The following TYW1 variants were observed in gnomAD, a reference collection of about 807,000 sequenced individuals.
The protein encoded by TYW1 is S-adenosyl-L-methionine-dependent tRNA 4-demethylwyosine synthase TYW1.
TYW1 carries 46 observed loss-of-function variants against 96.2 expected under a neutral mutation model. The ratio of observed to expected loss-of-function variants is 0.48; its 90% CI spans 0.38 to 0.61. The LOEUF (loss-of-function observed/expected upper bound fraction) is 0.61, where lower values mean the gene tolerates loss of function less well. TYW1 is among the 20% of genes least tolerant of loss of function. The pLI is 0.00. For missense variants in TYW1, 684 were observed against 909.6 expected (o/e 0.75, Z 3.19); for synonymous variants, 274 against 323.0 (o/e 0.85, Z 1.63).
chr7:67,236,297 G>A (rs1038313686), intron 15 of TYW1, among the ~76,000 whole-genome samples: 40 of 152,278 alleles, frequency 2.6e-4, no homozygotes, highest in Non-Finnish European at 4.9e-4. Flanking sequence ...TTCTGCTGTC[G>A]GCACAGTCTC....
intron 13 of TYW1, among the ~76,000 whole-genome samples, chr7:67,141,407 A>G (rs1366208572): frequency 1.3e-5 from 2 of 152,260 alleles, no homozygotes; most frequent in African/African-American, 4.8e-5. Flanking sequence ...GTCTTAGACT[A>G]GTAATTGCTC....
chr7:67,045,211 A>T (rs113614814), intron 7 of TYW1, among the ~76,000 whole-genome samples: 3,098 of 150,500 alleles, frequency 0.021, 89 homozygotes, highest in African/African-American at 0.067. Context: ...TTTTTTTTTT[A>T]AATTTTTTTT....
intron 13 of TYW1, among the ~76,000 whole-genome samples, chr7:67,134,316 G>A (rs1016088270): frequency 9.9e-5 from 15 of 152,092 alleles, no homozygotes; most frequent in Admixed American, 3.9e-4. Flanking sequence ...ACTGAGGTGG[G>A]TGGATCACTC....
intron 11 of TYW1, among the ~76,000 whole-genome samples, chr7:67,092,368 C>T (rs1337363939): frequency 2.0e-5 from 3 of 152,004 alleles, no homozygotes; most frequent in Non-Finnish European, 4.4e-5. Flanking sequence ...CCGATGTGAT[C>T]TACTTAAAAC....
At chr7:67,014,170 A>G (rs1363211309) in intron 4 of TYW1, among the ~76,000 whole-genome samples, 197 bp from the exon 5 acceptor site, 1 of 152,218 alleles carries the variant, frequency 6.6e-6, no homozygotes, top group Non-Finnish European at 1.5e-5. Flanking sequence ...TGGCAGGAGC[A>G]AGGGACTGGG....
chr7:67,080,388 G>T (rs1223951428), intron 10 of TYW1, among the ~76,000 whole-genome samples: 2 of 149,906 alleles, frequency 1.3e-5, no homozygotes, highest in Non-Finnish European at 3.0e-5. Flanking sequence ...TACAAGGATA[G>T]CTACTCTTGC....
At chr7:67,112,100 C>CAAAAAAAAAAAAAAAAA (rs538839042) in intron 12 of TYW1, among the ~76,000 whole-genome samples, 90 of 94,808 alleles carry the variant, frequency 9.5e-4, no homozygotes, top group Middle Eastern at 5.6e-3. Context: ...CTCTGTCTGA[C>CAAAAAAAAAAAAAAAAA]AAAAAAAAAA....
intron 13 of TYW1, among the ~76,000 whole-genome samples, chr7:67,177,045 A>G (rs547929647): frequency 6.6e-6 from 1 of 152,346 alleles, no homozygotes; most frequent in South Asian, 2.1e-4. Flanking sequence ...AACAGTAATT[A>G]AAAGTGTGAT....
At chr7:67,053,564 G>T (rs1312800092) in intron 8 of TYW1, among the ~76,000 whole-genome samples, 1 of 151,896 alleles carries the variant, frequency 6.6e-6, no homozygotes, top group Admixed American at 6.6e-5. Flanking sequence ...ATTTTTAGTA[G>T]AGACAGGGTT....
intron 10 of TYW1, among the ~76,000 whole-genome samples, chr7:67,075,583 A>G (rs773075747): frequency 2.0e-5 from 3 of 152,250 alleles, no homozygotes; most frequent in Non-Finnish European, 2.9e-5. Flanking sequence ...GCATGGATTA[A>G]TGTTGAAAAT....
intron 13 of TYW1, among the ~76,000 whole-genome samples, chr7:67,119,283 G>A (rs1414049578): frequency 2.6e-5 from 4 of 152,128 alleles, no homozygotes; most frequent in East Asian, 1.9e-4. Context: ...CATCCCAGGC[G>A]TCATTTGGTA....
At chr7:67,071,619 A>AT (rs150643764) in intron 10 of TYW1, among the ~76,000 whole-genome samples, 43,412 of 147,410 alleles carry the variant, frequency 0.29, 6,475 homozygotes, top group African/African-American at 0.35. Context: ...TACCTGGCTA[A>AT]TTTTTTTTTT....
chr7:67,089,275 A>C, intron 11 of TYW1: 2 of 1,367,378 alleles, frequency 1.5e-6, no homozygotes, highest in South Asian at 2.5e-5. Flanking sequence ...GTGGGGGCAA[A>C]CCAGGCTCCT....
At chr7:67,072,934 GTTTTTTTTTTTTTTTTTTT>G (rs529812538) in intron 10 of TYW1, among the ~76,000 whole-genome samples, 1 of 71,222 alleles carries the variant, frequency 1.4e-5, no homozygotes, top group Non-Finnish European at 2.5e-5. Flanking sequence ...TGCCTATCCA[GTTTTTTTTTTTTTTTTTTT>G]TTTTTTTTTT....
intron 13 of TYW1, among the ~76,000 whole-genome samples, chr7:67,172,843 G>C (rs146201718): frequency 0.034 from 5,126 of 151,966 alleles, 260 homozygotes; most frequent in African/African-American, 0.12. Context: ...AAACAAGCTG[G>C]ATGTGGTGGC....
At chr7:67,040,570 C>T (rs1017516467) in intron 7 of TYW1, among the ~76,000 whole-genome samples, 1 of 151,996 alleles carries the variant, frequency 6.6e-6, no homozygotes, top group Non-Finnish European at 1.5e-5. Flanking sequence ...TTTAGCAGGG[C>T]GCAGTGGCTC....
chr7:67,228,499 G>T (rs1801637939), intron 15 of TYW1, among the ~76,000 whole-genome samples: 1 of 152,156 alleles, frequency 6.6e-6, no homozygotes, highest in Non-Finnish European at 1.5e-5. Flanking sequence ...TGGAAACACA[G>T]CCAAACCATA....
chr7:67,227,580 A>T (rs1801606819), intron 15 of TYW1, among the ~76,000 whole-genome samples: 1 of 151,894 alleles, frequency 6.6e-6, no homozygotes, highest in African/African-American at 2.4e-5. Context: ...TTCTCTGCCA[A>T]CCAAATGGTT....
chr7:67,138,194 A>G lies in TYW1; in HGVS notation c.1698+20576A>G, dbSNP rs35242808. Among the ~76,000 whole-genome samples the G allele has an allele frequency of 7.1e-3, 1,082 of 152,282 alleles. 15 individuals are homozygous for G. The highest frequency in any genetic ancestry group is 0.057 in the East Asian group (295 of 5,174). The stretch of plus-strand genomic sequence containing the variant: ...CATCTGTATGATGCCCACAGGGAAT[A>G]GTGCGTATTGAACTGGTAGTCCTCC... On this transcript the variant is annotated intron_variant, in intron 13 of 15. Coordinates refer to ENST00000359626, the MANE Select transcript of TYW1 (RefSeq NM_018264.4).
Sources: gnomAD v4.1 joint callset for allele counts (sites outside exome capture counted in the v4.1 genomes callset) on GRCh38, gnomAD v4.1.1 for gene constraint, MANE v1.5 for transcripts, NCBI Gene and HGNC (gene_info 2026-07-23, HGNC 2026-07-21) for gene names.